Variants in CTNNA1 observed in about 807,000 individuals in gnomAD.
CTNNA1 encodes the protein catenin alpha 1.
A neutral mutation model predicts 98.4 loss-of-function variants in CTNNA1; 37 were observed. That is an observed-to-expected ratio of 0.38 (90% CI 0.29 to 0.49). CTNNA1 has a LOEUF of 0.49. CTNNA1 is among the 20% of genes least tolerant of loss of function. The probability of loss-of-function intolerance (pLI) is 0.95; values close to 1 mark genes in which losing one functional copy is unlikely to be tolerated. For synonymous variants in CTNNA1, 404 were observed against 413.2 expected, an observed-to-expected ratio of 0.98 and a Z score of 0.27; for missense variants, 761 against 1,147.2, an observed-to-expected ratio of 0.66 and a Z score of 4.86.
chr5:138,753,436 C>T lies in CTNNA1; in HGVS notation c.-77C>T, dbSNP rs1318122557. On this transcript the variant is annotated 5_prime_UTR_variant, in exon 1 of 18. Transcript: ENST00000302763. ...GGGCGGCCCATTTCCTCCTCCTAGC[C>T]GGACTGGAGGGAGACAAAGCAGCGC... 1 of 374,130 alleles carries T rather than the reference C, an allele frequency of 2.7e-6. No individual in the cohort carries two copies. The highest frequency in any genetic ancestry group is 4.8e-6 in the Non-Finnish European group (1 of 210,260). The allele number at this position is 374,130 out of a possible 1,614,324, so 23.2% of individuals were successfully genotyped here. A position where few individuals can be genotyped will look rare whatever the true frequency, so the allele number is the denominator to read the frequency against.
At chr5:138,780,458 G>T (rs921736769) in intron 1 of CTNNA1, among the ~76,000 whole-genome samples, 2 of 151,962 alleles carry the variant, frequency 1.3e-5, no homozygotes, top group African/African-American at 4.8e-5. Context: ...CTCCCAAAGT[G>T]CTGGGATTAC....
intron 1 of CTNNA1, among the ~76,000 whole-genome samples, chr5:138,779,585 C>T (rs1754810154): frequency 6.6e-6 from 1 of 151,758 alleles, no homozygotes; most frequent in African/African-American, 2.4e-5. Flanking sequence ...CCAGGCTGGT[C>T]TCAAACTCCT....
chr5:138,819,768 G>A (rs1759827494), intron 5 of CTNNA1, among the ~76,000 whole-genome samples: 1 of 149,512 alleles, frequency 6.7e-6, no homozygotes, highest in Admixed American at 6.8e-5. Context: ...ATATTGTTTG[G>A]ATTTGTGTCC....
At chr5:138,882,771 A>G (rs1290298789) in intron 7 of CTNNA1, among the ~76,000 whole-genome samples, 1 of 152,210 alleles carries the variant, frequency 6.6e-6, no homozygotes, top group Non-Finnish European at 1.5e-5. Flanking sequence ...TTGTTCAGTT[A>G]ATGCTAGAAA....
chr5:138,909,670 A>G (rs570086772), intron 10 of CTNNA1, among the ~76,000 whole-genome samples: 1 of 152,166 alleles, frequency 6.6e-6, no homozygotes, highest in African/African-American at 2.4e-5. Context: ...CTCACTCACT[A>G]AATTGAGAAG....
chr5:138,851,809 A>G (rs2149846711), intron 7 of CTNNA1, among the ~76,000 whole-genome samples: 1 of 151,792 alleles, frequency 6.6e-6, no homozygotes, highest in East Asian at 1.9e-4. Flanking sequence ...TAATCCCAGT[A>G]CTATGGGAGG....
At chr5:138,756,027 CTTATTTATTTAT>C (rs142619332) in intron 1 of CTNNA1, among the ~76,000 whole-genome samples, 1 of 143,862 alleles carries the variant, frequency 7.0e-6, no homozygotes, top group South Asian at 2.3e-4. Flanking sequence ...CCACGCCCGG[CTTATTTATTTAT>C]TTATTTATTT....
intron 3 of CTNNA1, among the ~76,000 whole-genome samples, chr5:138,794,249 T>G (rs928933299): frequency 9.2e-5 from 14 of 152,094 alleles, no homozygotes; most frequent in Non-Finnish European, 1.5e-4. Flanking sequence ...ACTCCTGACC[T>G]CAGGTGATCG....
chr5:138,800,936 G>T (rs1243944995), intron 3 of CTNNA1, among the ~76,000 whole-genome samples: 1 of 152,128 alleles, frequency 6.6e-6, no homozygotes, highest in African/African-American at 2.4e-5. Flanking sequence ...TTACCTCTTG[G>T]TAGTACTTCC....
intron 7 of CTNNA1, among the ~76,000 whole-genome samples, chr5:138,833,879 A>G (rs1761521363): frequency 6.6e-6 from 1 of 152,164 alleles, no homozygotes. Context: ...AAAACGTTGG[A>G]CATAGTAGTT....
chr5:138,820,664 A>T (rs547232842), intron 5 of CTNNA1, among the ~76,000 whole-genome samples: 1 of 151,146 alleles, frequency 6.6e-6, no homozygotes, highest in East Asian at 1.9e-4. Flanking sequence ...GGTTTCTGTA[A>T]CTCCTCTGAT....
At chr5:138,894,309 A>T (rs1307106385) in intron 9 of CTNNA1, among the ~76,000 whole-genome samples, 2 of 129,396 alleles carry the variant, frequency 1.5e-5, no homozygotes, top group African/African-American at 5.9e-5. Flanking sequence ...TGAGACAAGG[A>T]CTCACTTTGT....
intron 7 of CTNNA1, among the ~76,000 whole-genome samples, chr5:138,829,603 T>C (rs1761062078): frequency 1.3e-5 from 2 of 152,174 alleles, no homozygotes; most frequent in South Asian, 4.1e-4. Context: ...TAGAGTGCCA[T>C]ACAAACAGTA....
At chr5:138,923,612 C>T (rs768663995) in intron 11 of CTNNA1, among the ~76,000 whole-genome samples, 13 of 152,152 alleles carry the variant, frequency 8.5e-5, no homozygotes, top group Non-Finnish European at 2.9e-5. Flanking sequence ...GCAACCTCTG[C>T]CTCCTGGGTT....
chr5:138,875,266 G>T, intron 7 of CTNNA1: 1 of 416,270 alleles, frequency 2.4e-6, no homozygotes, highest in Non-Finnish European at 3.4e-6. Flanking sequence ...GTGGCTTGTT[G>T]CAGAGAAGAG....
At chr5:138,756,413 C>T (rs1160687825) in intron 1 of CTNNA1, among the ~76,000 whole-genome samples, 11 of 152,030 alleles carry the variant, frequency 7.2e-5, no homozygotes, top group African/African-American at 9.7e-5. Context: ...GTGATCCACT[C>T]GCCTCAGCCT....
intron 9 of CTNNA1, among the ~76,000 whole-genome samples, chr5:138,904,011 T>C (rs575733457): frequency 5.3e-5 from 8 of 152,370 alleles, no homozygotes; most frequent in African/African-American, 1.9e-4. Context: ...ATTCTTCAGC[T>C]TTTCTCACCT....
At chr5:138,886,830 T>C (rs1391870689) in intron 8 of CTNNA1, among the ~76,000 whole-genome samples, 1 of 152,122 alleles carries the variant, frequency 6.6e-6, no homozygotes, top group Admixed American at 6.5e-5. Flanking sequence ...GGAGTCAAAT[T>C]GAGTTTTAGT....
chr5:138,881,008 AAC>A, intron 7 of CTNNA1: 1 of 454,442 alleles, frequency 2.2e-6, no homozygotes, highest in Non-Finnish European at 4.4e-6. Context: ...GCCCAAAGAG[AAC>A]AAGATCATTT....
Sources: gnomAD v4.1 joint callset for allele counts (sites outside exome capture counted in the v4.1 genomes callset) on GRCh38, gnomAD v4.1.1 for gene constraint, MANE v1.5 for transcripts, NCBI Gene and HGNC (gene_info 2026-07-23, HGNC 2026-07-21) for gene names.